The following ZFYVE9 variants were observed in gnomAD, a reference collection of about 807,000 sequenced individuals.
The protein encoded by ZFYVE9 is zinc finger FYVE-type containing 9.
In ZFYVE9, 43 loss-of-function variants were observed where a neutral mutation model predicts 126.7. That is an observed-to-expected ratio of 0.34 (90% CI 0.27 to 0.44). ZFYVE9 has a LOEUF of 0.44. Among genes scored for constraint, ZFYVE9 ranks in the 20% least tolerant of loss-of-function variants. The probability of loss-of-function intolerance (pLI) is 1.00; values close to 1 mark genes in which losing one functional copy is unlikely to be tolerated. For synonymous variants in ZFYVE9, 521 were observed against 597.4 expected (o/e 0.87, Z 1.87); for missense variants, 1,476 against 1,697.0 (o/e 0.87, Z 2.29).
intron 3 of ZFYVE9, among the ~76,000 whole-genome samples, chr1:52,236,597 T>C (rs954281552): frequency 9.2e-5 from 14 of 152,188 alleles, no homozygotes; most frequent in African/African-American, 3.4e-4. Context: ...TTAGCCATTG[T>C]AGTTATGATC....
chr1:52,334,917 G>C (rs1646375626), intron 15 of ZFYVE9, 149 bp downstream of exon 15: 1 of 666,010 alleles, frequency 1.5e-6, no homozygotes. Flanking sequence ...AGAGTGCTTA[G>C]TTCTCTGAAG....
At chr1:52,247,263 A>G (rs1645395630) in intron 4 of ZFYVE9, among the ~76,000 whole-genome samples, 1 of 152,206 alleles carries the variant, frequency 6.6e-6, no homozygotes, top group Admixed American at 6.5e-5. Flanking sequence ...ATGTAGCTAG[A>G]AAATGTTTGC....
chr1:52,287,595 A>G (rs1645874609), intron 10 of ZFYVE9, among the ~76,000 whole-genome samples: 1 of 151,358 alleles, frequency 6.6e-6, no homozygotes, highest in African/African-American at 2.4e-5. Flanking sequence ...GAGGGGGTTC[A>G]TTCCCTTCTT....
At chr1:52,198,913 T>G (rs902211536) in intron 1 of ZFYVE9, among the ~76,000 whole-genome samples, 2 of 152,192 alleles carry the variant, frequency 1.3e-5, no homozygotes, top group African/African-American at 4.8e-5. Flanking sequence ...TTATTTACAT[T>G]GGGGTTTACT....
chr1:52,278,436 C>G lies in ZFYVE9; in HGVS notation c.2747-56C>G, dbSNP rs189759939. ...TAATTAGCTCATTTCTCCATCTGAT[C>G]TCTTTCTTGATTTGTTCCTTTAACC... On this transcript the variant is annotated intron_variant, in intron 8 of 18. Transcript: ENST00000287727. 672 of 1,600,756 alleles carry G rather than the reference C, an allele frequency of 4.2e-4. 1 individual carries two copies. The highest frequency in any genetic ancestry group is 3.1e-3 in the South Asian group (278 of 90,434).
chr1:52,239,624 G>A (rs747822744), intron 4 of ZFYVE9, 29 bp downstream of exon 4: 13 of 1,583,754 alleles, frequency 8.2e-6, no homozygotes, highest in South Asian at 2.3e-5. Flanking sequence ...CTCAGAAATC[G>A]GGCATGCACA....
intron 3 of ZFYVE9, 47 bp from the exon 4 acceptor site, chr1:52,237,441 T>A: frequency 2.7e-6 from 4 of 1,476,960 alleles, no homozygotes; most frequent in Non-Finnish European, 3.7e-6. Context: ...TCATAAGCTT[T>A]TCCAGTGTTA....
intron 1 of ZFYVE9, among the ~76,000 whole-genome samples, chr1:52,214,227 G>C (rs1645052393): frequency 6.6e-6 from 1 of 152,144 alleles, no homozygotes; most frequent in Non-Finnish European, 1.5e-5. Flanking sequence ...AGTAGTTTGA[G>C]ACCAGCCTGG....
rs1174388911 is a variant in ZFYVE9 at position 52,253,951 on chromosome 1, C to T, written c.2179-9822C>T. 5.7e-6 allele frequency: 5 copies of T among 884,232 alleles called. No individual in the cohort carries two copies. In the African/African-American group the frequency reaches 6.6e-5, roughly 12 times the overall value. 54.8% of individuals were successfully genotyped at this position (884,232 alleles called of 1,614,324 possible). ...TCACAACCTTCAAGAAATTCGGCAA[C>T]TTGAATTGGTGGAACCAAGTGGCTG... On this transcript the variant is annotated intron_variant, in intron 4 of 18. Coordinates refer to ENST00000287727, the MANE Select transcript of ZFYVE9 (RefSeq NM_004799.4).
intron 4 of ZFYVE9, among the ~76,000 whole-genome samples, chr1:52,260,057 T>C (rs1038540675): frequency 6.6e-6 from 1 of 150,582 alleles, no homozygotes; most frequent in African/African-American, 2.4e-5. Flanking sequence ...TTTTCAGTAG[T>C]GTAAAATTTT....
chr1:52,328,857 A>G (rs1449197787), intron 13 of ZFYVE9, among the ~76,000 whole-genome samples: 1 of 152,206 alleles, frequency 6.6e-6, no homozygotes, highest in Admixed American at 6.5e-5. Context: ...TGGATTAGTG[A>G]GGTTGATAAA....
chr1:52,194,915 A>G (rs1644846891), intron 1 of ZFYVE9, among the ~76,000 whole-genome samples: 1 of 152,190 alleles, frequency 6.6e-6, no homozygotes, highest in Non-Finnish European at 1.5e-5. Context: ...CTAGATGTAC[A>G]TGCATGACTT....
chr1:52,342,217 G>A (rs545409558), intron 17 of ZFYVE9, among the ~76,000 whole-genome samples: 1 of 151,684 alleles, frequency 6.6e-6, no homozygotes, highest in East Asian at 1.9e-4. Context: ...GCTAGGGGTT[G>A]CTATATAGAA....
chr1:52,150,596 G>A (rs533914038), intron 1 of ZFYVE9, among the ~76,000 whole-genome samples: 33 of 152,068 alleles, frequency 2.2e-4, no homozygotes, highest in Admixed American at 9.2e-4. Flanking sequence ...GTGAAACCCT[G>A]TCTCTACTAA....
At chr1:52,159,202 G>A (rs1443086775) in intron 1 of ZFYVE9, among the ~76,000 whole-genome samples, 4 of 152,106 alleles carry the variant, frequency 2.6e-5, no homozygotes, top group African/African-American at 9.7e-5. Context: ...TTAACACTTG[G>A]GCCACCAGCT....
At chr1:52,290,751 A>G (rs183813729) in intron 10 of ZFYVE9, among the ~76,000 whole-genome samples, 54 of 152,298 alleles carry the variant, frequency 3.5e-4, no homozygotes, top group South Asian at 1.2e-3. Flanking sequence ...AAGTCCCCCC[A>G]AAAATCATAT....
chr1:52,335,260 TATTTC>T (rs1646378342), intron 15 of ZFYVE9: 1 of 154,042 alleles, frequency 6.5e-6, no homozygotes. Context: ...TTGCTACTCT[TATTTC>T]ATAACAGATG....
At chr1:52,211,580 G>A (rs1645028829) in intron 1 of ZFYVE9, among the ~76,000 whole-genome samples, 1 of 152,102 alleles carries the variant, frequency 6.6e-6, no homozygotes, top group South Asian at 2.1e-4. Flanking sequence ...ACCTGCAGTC[G>A]TAGCTACTCC....
chr1:52,290,684 T>C (rs527324908), intron 10 of ZFYVE9, among the ~76,000 whole-genome samples: 1 of 152,316 alleles, frequency 6.6e-6, no homozygotes, highest in East Asian at 1.9e-4. Flanking sequence ...TCCCTGATCC[T>C]GCAGTGGCTG....
Sources: allele counts gnomAD v4.1 joint callset (sites outside exome capture counted in the v4.1 genomes callset), GRCh38; gene constraint gnomAD v4.1.1; transcripts MANE v1.5; gene names NCBI Gene and HGNC (gene_info 2026-07-23, HGNC 2026-07-21).